Variants in CRAMP1 observed in about 807,000 individuals in gnomAD.
CRAMP1 encodes the protein protein cramped-like.
CRAMP1 carries 50 observed loss-of-function variants against 115.4 expected under a neutral mutation model. The observed-to-expected ratio is 0.43, with a 90% CI of 0.35 to 0.55. The LOEUF (loss-of-function observed/expected upper bound fraction) is 0.55. Among genes scored for constraint, CRAMP1 ranks in the 20% least tolerant of loss-of-function variants. The pLI is 0.01. For synonymous variants in CRAMP1, 866 were observed against 745.4 expected, an observed-to-expected ratio of 1.16 and a Z score of -2.64; for missense variants, 1,679 against 1,721.7, an observed-to-expected ratio of 0.98 and a Z score of 0.44.
chr16:1,621,699 G>A (rs931592427), intron 2 of CRAMP1, among the ~76,000 whole-genome samples: 6 of 152,044 alleles, frequency 3.9e-5, no homozygotes, highest in Non-Finnish European at 5.9e-5. Context: ...TGGGTGTGGG[G>A]AAGTTCCACA....
intron 2 of CRAMP1, among the ~76,000 whole-genome samples, chr16:1,625,414 G>T (rs964962568): frequency 6.6e-6 from 1 of 152,016 alleles, no homozygotes; most frequent in Non-Finnish European, 1.5e-5. Context: ...AGAACACTAC[G>T]TTTTTTTGGT....
At position 1,664,442 on chromosome 16, in the gene CRAMP1, A is replaced by G. The variant is rs143455249; in HGVS notation, c.2671-615A>G. Among the ~76,000 whole-genome samples, 15 of 152,294 alleles carry G rather than the reference A, an allele frequency of 9.8e-5. No homozygotes were observed. In the East Asian group the frequency reaches 2.9e-3, roughly 29 times the overall value. On this transcript the variant is annotated intron_variant, in intron 13 of 20. Transcript: ENST00000397412. Reference sequence around the variant, plus strand: ...CCAGTGGTTATAAACAGGTTTGTATAACTAGTTGCATTCCAGTCAAATCCA... The same window carrying G: ...CCAGTGGTTATAAACAGGTTTGTATGACTAGTTGCATTCCAGTCAAATCCA...
rs558895491 is a variant in CRAMP1 at position 1,618,151 on chromosome 16, C to G, written c.346+3166C>G. ...AGTTCATGATCCAGCTAGCCCTGGG[C>G]AAACTAGTCCATCTTTTGGATAAAA... On this transcript the variant is annotated intron_variant, in intron 2 of 20. Coordinates refer to ENST00000397412, the MANE Select transcript of CRAMP1 (RefSeq NM_020825.4). Among the ~76,000 whole-genome samples the G allele has an allele frequency of 2.0e-5, 3 of 152,308 alleles. No individual in the cohort carries two copies. In the East Asian group the frequency reaches 5.8e-4, roughly 29 times the overall value.
intron 2 of CRAMP1, chr16:1,620,587 A>C: frequency 2.2e-6 from 1 of 455,450 alleles, no homozygotes; most frequent in Non-Finnish European, 4.4e-6. Context: ...TTGATGTTAG[A>C]GATGATGACA....
At chr16:1,670,188 C>CCTAGGAATTCGAGGCTGCAGTGAG (rs2036910086) in intron 19 of CRAMP1, among the ~76,000 whole-genome samples, 2 of 151,654 alleles carry the variant, frequency 1.3e-5, no homozygotes, top group Non-Finnish European at 2.9e-5. Context: ...ATTGCTTGAG[C>CCTAGGAATTCGAGGCTGCAGTGAG]CTAGGAATTC....
rs977737148 is a variant in CRAMP1 at position 1,675,127 on chromosome 16, G to T, written c.*1082G>T. On this transcript the variant is annotated 3_prime_UTR_variant, in exon 21 of 21. Coordinates refer to ENST00000397412, the MANE Select transcript of CRAMP1 (RefSeq NM_020825.4). ...GGTGAGGGCCCAGACATCTGGATGT[G>T]GTCAGACCTCACCAAATATATGCCT... 4 of 152,252 alleles carry T rather than the reference G, an allele frequency of 2.6e-5. No individual in the cohort carries two copies. The highest frequency in any genetic ancestry group is 9.7e-5 in the African/African-American group (4 of 41,434). 9.4% of individuals were successfully genotyped at this position (152,252 alleles called of 1,614,324 possible). A position where few individuals can be genotyped will look rare whatever the true frequency, so the allele number is the denominator to read the frequency against.
rs2036506665 is a variant in CRAMP1, at chr16:1,626,177, T to C, written c.540+11T>C. On this transcript the variant is annotated intron_variant, in intron 3 of 20. Transcript: ENST00000397412. ...GAGGGGCTGTACGAGGTGAGTAGGC[T>C]GTGGAGGCACGGCCAGGCAGCCTGG... The C allele has an allele frequency of 4.7e-6, 7 of 1,475,286 alleles. No individual in the cohort carries two copies. The highest frequency in any genetic ancestry group is 6.3e-6 in the Non-Finnish European group (7 of 1,106,382). 91.4% of individuals were successfully genotyped at this position (1,475,286 alleles called of 1,614,324 possible).
chr16:1,631,643 C>A (rs944337149), intron 3 of CRAMP1, among the ~76,000 whole-genome samples: 1 of 152,234 alleles, frequency 6.6e-6, no homozygotes, highest in Non-Finnish European at 1.5e-5. Flanking sequence ...AACACAAGTT[C>A]TCTTCTGAAA....
At chr16:1,663,481 A>G (rs998238330) in intron 13 of CRAMP1, among the ~76,000 whole-genome samples, 1 of 152,220 alleles carries the variant, frequency 6.6e-6, no homozygotes, top group Admixed American at 6.5e-5. Context: ...AGTGCCTGCT[A>G]AATCTTAGGT....
In CRAMP1 at chr16:1,614,538, T is replaced by G; in HGVS notation, c.-1-101T>G. On this transcript the variant is annotated intron_variant, in intron 1 of 20. Transcript: ENST00000397412. This position sits in a 1 kb window ranked among gnomAD's most constrained non-coding sequence, Gnocchi z 4.4. ...GCCGGGCCGAGCCGCCGAGAGGGGA[T>G]TTGGAACAAACAACGGCGGCCATGT... 1 of 676,944 alleles carries G rather than the reference T, an allele frequency of 1.5e-6. No individual in the cohort carries two copies. The highest frequency in any genetic ancestry group is 2.0e-6 in the Non-Finnish European group (1 of 501,982). The allele number at this position is 676,944 out of a possible 1,614,324, so 41.9% of individuals were successfully genotyped here. A position where few individuals can be genotyped will look rare whatever the true frequency, so the allele number is the denominator to read the frequency against.
At chr16:1,625,927 C>A in intron 2 of CRAMP1, 46 bp from the exon 3 acceptor site, 1 of 1,542,884 alleles carries the variant, frequency 6.5e-7, no homozygotes, top group East Asian at 2.5e-5. Context: ...CTGCCCAGCC[C>A]GCCAGCTTTC....
intron 2 of CRAMP1, 74 bp from the exon 3 acceptor site, chr16:1,625,899 T>C: frequency 7.0e-7 from 1 of 1,438,594 alleles, no homozygotes; most frequent in Non-Finnish European, 9.5e-7. Flanking sequence ...GGCCCTTCCC[T>C]CCCACCGGCC....
At position 1,654,463 on chromosome 16, in the gene CRAMP1, C is replaced by T. The variant is rs186648130; in HGVS notation, c.1038-756C>T. 3.7e-4 allele frequency among the ~76,000 whole-genome samples: 57 copies of T among 152,328 alleles called. 1 individual carries two copies. The highest frequency in any genetic ancestry group is 3.3e-3 in the Admixed American group (50 of 15,308). On this transcript the variant is annotated intron_variant, in intron 8 of 20. Coordinates refer to ENST00000397412, the MANE Select transcript of CRAMP1 (RefSeq NM_020825.4). ...CTGATCTCAGGTGATCTGCCTGCTTCGGCCTCCCAAAGTGTTGGGATTCCA... is the reference window on the plus strand; with the variant it reads ...CTGATCTCAGGTGATCTGCCTGCTTTGGCCTCCCAAAGTGTTGGGATTCCA...
In CRAMP1 at chr16:1,612,558, A is replaced by C. The variant is rs2036359814; in HGVS notation, c.-101A>C. The C allele has an allele frequency of 6.6e-6, 1 of 151,870 alleles. No individual in the cohort carries two copies. Among genetic ancestry groups the C allele is most frequent in the Admixed American group, 6.6e-5 (1 of 15,260 alleles). The allele number at this position is 151,870 out of a possible 1,614,324, so 9.4% of individuals were successfully genotyped here. A position where few individuals can be genotyped will look rare whatever the true frequency, so the allele number is the denominator to read the frequency against. On this transcript the variant is annotated 5_prime_UTR_variant, in exon 1 of 21. Coordinates refer to ENST00000397412, the MANE Select transcript of CRAMP1 (RefSeq NM_020825.4). The stretch of plus-strand genomic sequence containing the variant: ...CAGCCCGGCGTTGCGGCCTCCCTGC[A>C]GCCGGCGCTCGGGGGCCGGGGCTGC...
At chr16:1,657,602 C>T (rs561150814) in intron 10 of CRAMP1, among the ~76,000 whole-genome samples, 8 of 152,316 alleles carry the variant, frequency 5.3e-5, no homozygotes, top group Non-Finnish European at 1.0e-4. Flanking sequence ...GATGCGGTGC[C>T]GCAGCAGAAT....
chr16:1,619,207 G>T (rs776111846), intron 2 of CRAMP1, among the ~76,000 whole-genome samples: 5 of 152,326 alleles, frequency 3.3e-5, no homozygotes, highest in South Asian at 2.1e-4. Flanking sequence ...TTGAGACGGA[G>T]TCTCATTCTG....
intron 7 of CRAMP1, 108 bp downstream of exon 7, chr16:1,652,689 C>A (rs926021426): frequency 1.6e-5 from 16 of 991,244 alleles, no homozygotes; most frequent in Non-Finnish European, 2.5e-5. Flanking sequence ...TTGTGTCTGA[C>A]CCTGCTTAAT....
Position 1,648,383 on chromosome 16 carries a change from C to T in CRAMP1, c.828-4113C>T, listed in dbSNP as rs550218566. ...CAGCACTTTGGGAGGCCGCGGCTGGCGAATCATTTGAGGTTAGGAGTTCCA... is the reference window on the plus strand; with the variant it reads ...CAGCACTTTGGGAGGCCGCGGCTGGTGAATCATTTGAGGTTAGGAGTTCCA... On this transcript the variant is annotated intron_variant, in intron 6 of 20. Coordinates refer to ENST00000397412, the MANE Select transcript of CRAMP1 (RefSeq NM_020825.4). Among the ~76,000 whole-genome samples the T allele has an allele frequency of 3.3e-4, 50 of 151,826 alleles. 1 individual carries two copies. In the South Asian group the frequency reaches 8.9e-3, roughly 27 times the overall value.
At chr16:1,639,908 T>G (rs2036618054) in intron 5 of CRAMP1, among the ~76,000 whole-genome samples, 1 of 152,230 alleles carries the variant, frequency 6.6e-6, no homozygotes, top group South Asian at 2.1e-4. Context: ...TCCTGCCTCA[T>G]GAGGATGCTC....
Sources: allele counts gnomAD v4.1 joint callset (sites outside exome capture counted in the v4.1 genomes callset), GRCh38; gene constraint gnomAD v4.1.1; non-coding constraint Gnocchi (gnomAD v3.1); transcripts MANE v1.5; gene names NCBI Gene and HGNC (gene_info 2026-07-23, HGNC 2026-07-21).